Variants in VPS11 observed in about 807,000 individuals in gnomAD.
VPS11 encodes the protein vacuolar protein sorting-associated protein 11 homolog.
In VPS11, 51 loss-of-function variants were observed where a neutral mutation model predicts 106.8. The ratio of observed to expected loss-of-function variants is 0.48; its 90% confidence interval spans 0.38 to 0.60. The LOEUF (loss-of-function observed/expected upper bound fraction) is 0.60. Among genes scored for constraint, VPS11 ranks in the 20% least tolerant of loss-of-function variants. The probability of loss-of-function intolerance (pLI) is 0.00; values close to 1 mark genes in which losing one functional copy is unlikely to be tolerated. For synonymous variants in VPS11, 453 were observed against 458.7 expected (o/e 0.99, Z 0.16); for missense variants, 950 against 1,190.0 (o/e 0.80, Z 2.97).
At chr11:119,079,855 G>A (rs1592200589) in intron 14 of VPS11, among the ~76,000 whole-genome samples, 1 of 152,088 alleles carries the variant, frequency 6.6e-6, no homozygotes, top group African/African-American at 2.4e-5. Flanking sequence ...GATGAGCCAC[G>A]GTGCCCGGCC....
At chr11:119,073,150 A>G in intron 5 of VPS11, 48 bp from the exon 6 acceptor site, 1 of 1,566,562 alleles carries the variant, frequency 6.4e-7, no homozygotes, top group Non-Finnish European at 8.7e-7. Flanking sequence ...AATAGGGGAG[A>G]TAAGACAGAG....
chr11:119,081,120 A>T lies in VPS11; in HGVS notation c.2467A>T (p.Ser823Cys). 1 of 1,614,032 alleles carries T rather than the reference A, an allele frequency of 6.2e-7. No homozygotes were observed. The highest frequency in any genetic ancestry group is 8.5e-7 in the Non-Finnish European group (1 of 1,179,884). ...SPKIFQKTKC[S>C]ICNSALELPS... is the part of the protein sequence containing the mutation. ...TAAGATTTTCCAAAAGACCAAGTGC[A>T]GCATCTGTAACAGTGCCTTGGAGTT... Residue 823 changes from serine to cysteine, a missense_variant, in exon 15 of 16, where the codon AGC (serine) becomes TGC (cysteine). This residue lies in a region of VPS11 where 453 missense variants were observed against 514.6 expected (regional missense o/e 0.88). Transcript: ENST00000621676.
intron 14 of VPS11, 102 bp from the exon 15 acceptor site, chr11:119,080,990 C>T: frequency 9.5e-7 from 1 of 1,050,892 alleles, no homozygotes; most frequent in South Asian, 1.4e-5. Flanking sequence ...GGGGCCTTAC[C>T]AGGGACCTTG....
At chr11:119,080,182 C>T (rs782160502) in intron 14 of VPS11, among the ~76,000 whole-genome samples, 39 of 152,116 alleles carry the variant, frequency 2.6e-4, no homozygotes, top group Non-Finnish European at 4.9e-4. Flanking sequence ...CCTCAGCCTC[C>T]TGAGTAGATG....
intron 6 of VPS11, 130 bp downstream of exon 6, chr11:119,073,529 T>C (rs961504517): frequency 5.7e-6 from 7 of 1,218,176 alleles, no homozygotes; most frequent in African/African-American, 1.5e-5. Context: ...TTCCTTAGGG[T>C]AGGATTATAA....
chr11:119,078,499 C>A lies in VPS11; in HGVS notation c.1924-66C>A, dbSNP rs557118678. ...TGGACTGAGGGAAAGAGTTGACTGG[C>A]TTTGTCCCAAGAGACCTTGTGATTT... On this transcript the variant is annotated intron_variant, in intron 11 of 15. Transcript: ENST00000621676. The A allele has an allele frequency of 6.3e-6, 10 of 1,590,284 alleles. No homozygotes were observed. In the South Asian group the frequency reaches 1.1e-4, roughly 18 times the overall value.
rs1225224326 is a variant in VPS11 at position 119,076,998 on chromosome 11, C to A, written c.1340C>A (p.Ser447Tyr). 1 of 1,613,998 alleles carries A rather than the reference C, an allele frequency of 6.2e-7. No individual in the cohort carries two copies. Among genetic ancestry groups the A allele is most frequent in the South Asian group, 1.1e-5 (1 of 91,066 alleles). Reference sequence around the variant, plus strand: ...TACCTGCAGACCCTGCACCGACAATCCCTGGCCAATGCCGACCATACCACC... The same window carrying A: ...TACCTGCAGACCCTGCACCGACAATACCTGGCCAATGCCGACCATACCACC... ...TAYLQTLHRQSLANADHTTLL... is the reference protein window; with the variant it reads ...TAYLQTLHRQYLANADHTTLL... Residue 447 changes from serine (S) to tyrosine (Y), a missense_variant, in exon 8 of 16, where the codon TCC becomes TAC. Physicochemically the swap from Ser to Tyr is moderately radical, Grantham distance 144. Transcript: ENST00000621676.
At chr11:119,068,759 T>TC (rs1945231370) in intron 1 of VPS11, among the ~76,000 whole-genome samples, 1 of 147,502 alleles carries the variant, frequency 6.8e-6, no homozygotes, top group African/African-American at 2.5e-5. Flanking sequence ...TAAATTTTTT[T>TC]CTTTTTTTTG....
At chr11:119,070,055 G>A (rs1039028541) in intron 3 of VPS11, among the ~76,000 whole-genome samples, 179 bp from the exon 4 acceptor site, 16 of 97,736 alleles carry the variant, frequency 1.6e-4, no homozygotes, top group African/African-American at 5.9e-4. Flanking sequence ...GAATGGGAAG[G>A]CATTTAATTT....
rs1349785765 is a variant in VPS11, at chr11:119,078,874, C to A, written c.2143C>A (p.Gln715Lys). Residue 715 changes from glutamine (Q) to lysine (K), a missense_variant, in exon 13 of 16, where the codon CAG becomes AAG. Gln to Lys is a moderately conservative substitution (Grantham distance 53). Coordinates refer to ENST00000621676, the MANE Select transcript of VPS11 (RefSeq NM_021729.6). ...CAGCGTGTGTGAGCGCCATGGGGAG[C>A]AGGACCCCTCCTTGTGGGAGCAGGC... is the stretch of plus-strand genomic sequence containing the variant. Reference protein sequence around the residue: ...VISVCERHGEQDPSLWEQALS... With the variant: ...VISVCERHGEKDPSLWEQALS... 3 of 1,614,004 alleles carry A rather than the reference C, an allele frequency of 1.9e-6. No homozygotes were observed. In the South Asian group the frequency reaches 3.3e-5, roughly 18 times the overall value.
In VPS11 at chr11:119,078,709, G is replaced by T; in HGVS notation, c.2063+5G>T. On this transcript the variant is annotated splice_donor_5th_base_variant and intron_variant, in intron 12 of 15. Transcript: ENST00000621676. The stretch of plus-strand genomic sequence containing the variant: ...CCTTTATGAGCAGGGGAAGCTGTAA[G>T]AGTTTGGGGAATTTCAGGGAAAGGG... 6.2e-7 allele frequency: 1 copy of T among 1,610,698 alleles called. No individual in the cohort carries two copies. Among genetic ancestry groups the T allele is most frequent in the Non-Finnish European group, 8.5e-7 (1 of 1,177,860 alleles).
At chr11:119,075,207 CA>C (rs1407403778) in intron 7 of VPS11, among the ~76,000 whole-genome samples, 1 of 151,670 alleles carries the variant, frequency 6.6e-6, no homozygotes, top group African/African-American at 2.4e-5. Flanking sequence ...GCGGAGCTTG[CA>C]GTGAGCCGAG....
chr11:119,077,359 C>A, intron 8 of VPS11, 142 bp from the exon 9 acceptor site: 2 of 1,258,956 alleles, frequency 1.6e-6, no homozygotes, highest in Non-Finnish European at 2.1e-6. Flanking sequence ...TAGTCAGAAA[C>A]TCCCACAGGC....
Position 119,073,874 on chromosome 11 carries a change from G to A in VPS11, c.1161G>A (p.Leu387=), listed in dbSNP as rs782652845. 2 of 1,613,888 alleles carry A rather than the reference G, an allele frequency of 1.2e-6. No homozygotes were observed. The highest frequency in any genetic ancestry group is 2.2e-5 in the East Asian group (1 of 44,884). Residue 387 remains leucine (L), a synonymous_variant, in exon 7 of 16, where the codon CTG becomes CTA. Coordinates refer to ENST00000621676, the MANE Select transcript of VPS11 (RefSeq NM_021729.6). ...AKSQHLDSDG[L]AQIFMQYGDH... The stretch of plus-strand genomic sequence containing the variant: ...GCCAGCATCTGGACAGTGATGGGCT[G>A]GCCCAGATTTTCATGCAGTATGGAG...
chr11:119,078,777 C>T lies in VPS11; in HGVS notation c.2064-18C>T. On this transcript the variant is annotated intron_variant, in intron 12 of 15. Coordinates refer to ENST00000621676, the MANE Select transcript of VPS11 (RefSeq NM_021729.6). ...TTCCAGAGACAGCCACTGAGGTGTG[C>T]CCTTGCCCCGGCCGCAGGTTCCAGC... 1.9e-6 allele frequency: 3 copies of T among 1,611,126 alleles called. No individual in the cohort carries two copies. Among genetic ancestry groups the T allele is most frequent in the Non-Finnish European group, 2.5e-6 (3 of 1,178,628 alleles).
intron 1 of VPS11, 92 bp downstream of exon 1, chr11:119,068,102 G>A: frequency 7.1e-7 from 1 of 1,400,032 alleles, no homozygotes; most frequent in Non-Finnish European, 9.5e-7. Flanking sequence ...TCCGTGCCGC[G>A]CGCCTCTTTG....
At chr11:119,080,904 GACTC>G (rs1453496351) in intron 14 of VPS11, among the ~76,000 whole-genome samples, 184 bp from the exon 15 acceptor site, 1 of 152,202 alleles carries the variant, frequency 6.6e-6, no homozygotes. Context: ...AGCATGCTGA[GACTC>G]ACTGCAGGTC....
chr11:119,072,179 T>TTTTTAATGATAC, intron 5 of VPS11: 1 of 256,458 alleles, frequency 3.9e-6, no homozygotes, highest in East Asian at 8.7e-5. Context: ...TTGGCCAGGC[T>TTTTTAATGATAC]GGTGTCAGAC....
In VPS11 at chr11:119,081,745, A is replaced by C; in HGVS notation, c.*122A>C. On this transcript the variant is annotated 3_prime_UTR_variant, in exon 16 of 16. Coordinates refer to ENST00000621676, the MANE Select transcript of VPS11 (RefSeq NM_021729.6). ...CAGGGCTCCACTCTCATCTAATGTC[A>C]CAGCCCTCAGAACTAAAGCGGACTT... 1.5e-6 allele frequency: 2 copies of C among 1,328,684 alleles called. No individual in the cohort carries two copies. The highest frequency in any genetic ancestry group is 1.0e-6 in the Non-Finnish European group (1 of 986,000). 82.3% of individuals were successfully genotyped at this position (1,328,684 alleles called of 1,614,324 possible). A position where few individuals can be genotyped will look rare whatever the true frequency, so the allele number is the denominator to read the frequency against.
Sources: gnomAD v4.1 joint callset for allele counts (sites outside exome capture counted in the v4.1 genomes callset) on GRCh38, gnomAD v4.1.1 for gene constraint, gnomAD v4.1.1 regional missense constraint, MANE v1.5 for transcripts, NCBI Gene and HGNC (gene_info 2026-07-23, HGNC 2026-07-21) for gene names.